TMED3: variants seen among roughly 807,000 people sequenced by gnomAD.
The protein encoded by TMED3 is transmembrane p24 trafficking protein 3, also known as transmembrane emp24 domain-containing protein 3.
Under a neutral mutation model 15.0 loss-of-function variants are expected in TMED3, and 9 were observed. The observed-to-expected ratio is 0.60, with a 90% CI of 0.36 to 1.04. TMED3 has a LOEUF of 1.04. Ranked by LOEUF, TMED3 falls within the 50% of genes least tolerant of loss-of-function variation. The pLI, the probability that TMED3 is intolerant of heterozygous loss-of-function variation, is 0.01. For synonymous variants in TMED3, 117 were observed against 121.4 expected (o/e 0.96, Z 0.24); for missense variants, 267 against 278.9 (o/e 0.96, Z 0.30).
intron 2 of TMED3, among the ~76,000 whole-genome samples, chr15:79,332,401 ACT>A (rs901799293): frequency 3.3e-5 from 5 of 152,194 alleles, no homozygotes; most frequent in African/African-American, 1.2e-4. Context: ...CCAATGCGAA[ACT>A]CTTCAGCCTG....
intron 2 of TMED3, among the ~76,000 whole-genome samples, chr15:79,398,073 G>C (rs1254275748): frequency 1.3e-5 from 2 of 152,082 alleles, no homozygotes; most frequent in Non-Finnish European, 2.9e-5. Context: ...ATAATGACAT[G>C]TATCCGTCAT....
chr15:79,365,766 G>A (rs895923468), intron 2 of TMED3, among the ~76,000 whole-genome samples: 2 of 152,192 alleles, frequency 1.3e-5, no homozygotes, highest in Non-Finnish European at 2.9e-5. Flanking sequence ...GCATGACTCA[G>A]CTTTCAGCTT....
At chr15:79,331,999 G>T (rs1472054688) in intron 2 of TMED3, among the ~76,000 whole-genome samples, 1 of 152,188 alleles carries the variant, frequency 6.6e-6, no homozygotes, top group Non-Finnish European at 1.5e-5. Flanking sequence ...GCTGCTGTGT[G>T]CTATGATTGT....
chr15:79,413,520 C>T (rs1894022370), exon 3 of TMED3: 1 of 152,248 alleles, frequency 6.6e-6, no homozygotes, highest in Non-Finnish European at 1.5e-5. Flanking sequence ...TTAAAATACA[C>T]ACATGGTGAG....
At chr15:79,335,090 A>G (rs1044129863) in intron 2 of TMED3, among the ~76,000 whole-genome samples, 2 of 152,236 alleles carry the variant, frequency 1.3e-5, no homozygotes, top group Admixed American at 6.5e-5. Context: ...ACAGCTTTGT[A>G]CAACAAGGAT....
intron 2 of TMED3, among the ~76,000 whole-genome samples, chr15:79,406,526 G>A (rs1009580013): frequency 7.2e-5 from 11 of 152,264 alleles, no homozygotes; most frequent in African/African-American, 2.6e-4. Context: ...ATATCTAAGA[G>A]TGCACACATA....
intron 2 of TMED3, among the ~76,000 whole-genome samples, chr15:79,334,036 T>A (rs1443491017): frequency 6.6e-6 from 1 of 152,176 alleles, no homozygotes; most frequent in African/African-American, 2.4e-5. Context: ...TAGAACTTAA[T>A]TTGCTATTAG....
intron 2 of TMED3, among the ~76,000 whole-genome samples, chr15:79,331,607 G>C (rs1369920387): frequency 6.8e-6 from 1 of 148,020 alleles, no homozygotes; most frequent in Non-Finnish European, 1.5e-5. Flanking sequence ...GACACAGAGT[G>C]AAGAGACAAT....
chr15:79,323,694 G>C (rs1013352153), downstream of TMED3, among the ~76,000 whole-genome samples: 1 of 152,098 alleles, frequency 6.6e-6, no homozygotes, highest in Non-Finnish European at 1.5e-5. Context: ...CACTGAGAAA[G>C]GAGTTTAAAG....
downstream of TMED3, among the ~76,000 whole-genome samples, chr15:79,324,581 A>G (rs948800497): frequency 4.6e-5 from 7 of 152,248 alleles, no homozygotes; most frequent in Non-Finnish European, 8.8e-5. Flanking sequence ...TTAAAAAGTA[A>G]TATTTAATAT....
At chr15:79,350,825 C>T (rs1225322949) in intron 2 of TMED3, among the ~76,000 whole-genome samples, 6 of 152,148 alleles carry the variant, frequency 3.9e-5, no homozygotes. Flanking sequence ...AGCAAGAAGT[C>T]TGGGGAGTCA....
chr15:79,391,710 G>A (rs1482410889), intron 2 of TMED3, among the ~76,000 whole-genome samples: 1 of 151,978 alleles, frequency 6.6e-6, no homozygotes, highest in Non-Finnish European at 1.5e-5. Flanking sequence ...TTGTGTTGCT[G>A]CCTATCTCAT....
At chr15:79,313,490 G>A (rs1468589767) in intron 1 of TMED3, among the ~76,000 whole-genome samples, 1 of 152,132 alleles carries the variant, frequency 6.6e-6, no homozygotes, top group Admixed American at 6.5e-5. Flanking sequence ...AAAGGATTAG[G>A]CTCATTGAAA....
chr15:79,394,471 A>G (rs925147017), intron 2 of TMED3, among the ~76,000 whole-genome samples: 16 of 152,132 alleles, frequency 1.1e-4, no homozygotes. Context: ...AAGTTTGCAA[A>G]CAGATTTTGC....
intron 2 of TMED3, among the ~76,000 whole-genome samples, chr15:79,348,608 C>T (rs905953804): frequency 6.6e-6 from 1 of 152,164 alleles, no homozygotes; most frequent in Non-Finnish European, 1.5e-5. Context: ...AGGTGAAAAA[C>T]AAGAGGTGCA....
At chr15:79,339,247 C>T (rs1019667310) in intron 2 of TMED3, among the ~76,000 whole-genome samples, 1 of 152,224 alleles carries the variant, frequency 6.6e-6, no homozygotes. Context: ...CCTTACCTAT[C>T]ATTGGAGATG....
At chr15:79,385,480 TGCTGCACCTGGGAAGGTGGCTGCA>T (rs1255061961) in intron 2 of TMED3, among the ~76,000 whole-genome samples, 2 of 152,150 alleles carry the variant, frequency 1.3e-5, no homozygotes, top group South Asian at 2.1e-4. Flanking sequence ...CTTTGTGAGG[TGCTGCACCTGGGAAGGTGGCTGCA>T]GCTGCACCTG....
At chr15:79,349,536 T>A (rs1417350217) in intron 2 of TMED3, among the ~76,000 whole-genome samples, 1 of 152,142 alleles carries the variant, frequency 6.6e-6, no homozygotes, top group African/African-American at 2.4e-5. Flanking sequence ...AAAATTTAAT[T>A]TAATTATCCT....
intron 2 of TMED3, among the ~76,000 whole-genome samples, chr15:79,353,925 C>T (rs934379255): frequency 2.0e-4 from 31 of 152,088 alleles, no homozygotes; most frequent in Non-Finnish European, 3.7e-4. Context: ...CCCAGCTTCC[C>T]CTAGAATCCT....
Sources: gnomAD v4.1 joint callset for allele counts (sites outside exome capture counted in the v4.1 genomes callset) on GRCh38, gnomAD v4.1.1 for gene constraint, MANE v1.5 for transcripts, NCBI Gene and HGNC (gene_info 2026-07-23, HGNC 2026-07-21) for gene names.